The following PHACTR1 variants were observed in gnomAD, a reference collection of about 807,000 sequenced individuals.
The protein encoded by PHACTR1 is phosphatase and actin regulator 1.
Under a neutral mutation model 69.2 loss-of-function variants are expected in PHACTR1, and 16 were observed. That is an observed-to-expected ratio of 0.23 (90% confidence interval 0.16 to 0.35). The LOEUF (loss-of-function observed/expected upper bound fraction) is 0.35, where lower values mean the gene tolerates loss of function less well. Ranked by LOEUF, PHACTR1 falls within the 10% of genes least tolerant of loss-of-function variation. The pLI, the probability that PHACTR1 is intolerant of heterozygous loss-of-function variation, is 1.00. For missense variants in PHACTR1, 510 were observed against 734.7 expected (o/e 0.69, Z 3.54); for synonymous variants, 312 against 284.5 (o/e 1.10, Z -0.97).
At chr6:12,955,889 A>T (rs1175992242) in intron 4 of PHACTR1, among the ~76,000 whole-genome samples, 1 of 152,192 alleles carries the variant, frequency 6.6e-6, no homozygotes, top group Non-Finnish European at 1.5e-5. Context: ...CTGGGTCTCC[A>T]TAAGAACAGT....
chr6:12,848,687 G>T (rs1427494006), intron 4 of PHACTR1, among the ~76,000 whole-genome samples: 1 of 152,094 alleles, frequency 6.6e-6, no homozygotes, highest in Non-Finnish European at 1.5e-5. Context: ...TAAGACTTGG[G>T]AACTTGAGCA....
At chr6:12,717,766 T>C (rs1175540646) in intron 2 of PHACTR1, 23 bp downstream of exon 2, 1 of 152,198 alleles carries the variant, frequency 6.6e-6, no homozygotes, top group Non-Finnish European at 1.5e-5. Flanking sequence ...GCTATTGGGG[T>C]ACCTTTGGGT....
At chr6:13,194,599 G>A (rs149160836) in intron 7 of PHACTR1, among the ~76,000 whole-genome samples, 81 of 152,052 alleles carry the variant, frequency 5.3e-4, no homozygotes, top group African/African-American at 1.9e-3. Flanking sequence ...CATCTTCCCA[G>A]GGTACATTTA....
intron 4 of PHACTR1, among the ~76,000 whole-genome samples, chr6:12,986,855 C>G (rs899940668): frequency 3.3e-5 from 5 of 152,112 alleles, no homozygotes; most frequent in Non-Finnish European, 7.4e-5. Context: ...TCAGAGAGAA[C>G]AAGGTAAGCA....
At chr6:13,057,899 G>C (rs1807050179) in intron 5 of PHACTR1, among the ~76,000 whole-genome samples, 1 of 152,148 alleles carries the variant, frequency 6.6e-6, no homozygotes, top group African/African-American at 2.4e-5. Context: ...AGCTCCAGAT[G>C]GTGGTGAAAG....
intron 4 of PHACTR1, among the ~76,000 whole-genome samples, chr6:12,917,612 C>T (rs1271883021): frequency 6.6e-6 from 1 of 151,946 alleles, no homozygotes; most frequent in African/African-American, 2.4e-5. Context: ...TAAAAATTAG[C>T]CAGGTGGCAT....
intron 13 of PHACTR1, among the ~76,000 whole-genome samples, chr6:13,284,133 C>T (rs766760409): frequency 6.6e-6 from 1 of 152,174 alleles, no homozygotes; most frequent in Non-Finnish European, 1.5e-5. Flanking sequence ...GTCCACCAGA[C>T]AAGGTATCAG....
At chr6:13,251,648 C>G (rs947953526) in intron 10 of PHACTR1, among the ~76,000 whole-genome samples, 1 of 152,190 alleles carries the variant, frequency 6.6e-6, no homozygotes, top group Non-Finnish European at 1.5e-5. Context: ...AGGCTGAGCT[C>G]TGACAGTCCT....
At chr6:13,126,996 G>A (rs1819636772) in intron 5 of PHACTR1, among the ~76,000 whole-genome samples, 1 of 152,316 alleles carries the variant, frequency 6.6e-6, no homozygotes, top group African/African-American at 2.4e-5. Context: ...TACAATGGGA[G>A]CCTTCGTCAA....
chr6:13,173,889 T>G (rs1008199670), intron 6 of PHACTR1, among the ~76,000 whole-genome samples: 2 of 152,162 alleles, frequency 1.3e-5, no homozygotes, highest in African/African-American at 4.8e-5. Context: ...TTGTATTTTT[T>G]GTAGAGACGG....
Position 13,095,749 on chromosome 6 carries a change from C to CTTTT in PHACTR1, c.415+42248_415+42251dup, listed in dbSNP as rs140109520. On this transcript the variant is annotated intron_variant, in intron 5 of 14. Transcript: ENST00000332995. Reference sequence around the variant, plus strand: ...CTTTAAAGTGAATTATTGTGAAGGGCTTTTTTTTTTTTTTTTTTTTTTTTT... The same window carrying CTTTT: ...CTTTAAAGTGAATTATTGTGAAGGGCTTTTTTTTTTTTTTTTTTTTTTTTTTTTT... Among the ~76,000 whole-genome samples the CTTTT allele has an allele frequency of 2.7e-3, 212 of 77,278 alleles. 2 individuals are homozygous for CTTTT. Among genetic ancestry groups the CTTTT allele is most frequent in the Non-Finnish European group, 3.8e-3 (168 of 44,534 alleles). The allele number at this position is 77,278 out of a possible 152,430, so 50.7% of individuals were successfully genotyped here.
Position 12,954,084 on chromosome 6 carries a change from C to T in PHACTR1, c.251-99281C>T, listed in dbSNP as rs573390926. On this transcript the variant is annotated intron_variant, in intron 4 of 14. Transcript: ENST00000332995. The stretch of plus-strand genomic sequence containing the variant: ...CAGTTGAGCTGGGCTTGAAAGATTT[C>T]GCTATTTGGTAAGGGATAGGCATTT... 1.2e-3 allele frequency among the ~76,000 whole-genome samples: 176 copies of T among 152,190 alleles called. 2 individuals carry two copies. The highest frequency in any genetic ancestry group is 3.4e-3 in the Middle Eastern group (1 of 294).
Position 13,287,220 on chromosome 6 carries a change from A to T in PHACTR1, c.*142A>T. On this transcript the variant is annotated 3_prime_UTR_variant, in exon 15 of 15. Transcript: ENST00000332995. ...TTTAAAAAGAAGAAAAATCAAGGAAACACAATCAGGATTTTATGTGTGAAA... is the reference window on the plus strand; with the variant it reads ...TTTAAAAAGAAGAAAAATCAAGGAATCACAATCAGGATTTTATGTGTGAAA... 2 of 903,502 alleles carry T rather than the reference A, an allele frequency of 2.2e-6. No homozygotes were observed. Among genetic ancestry groups the T allele is most frequent in the Non-Finnish European group, 3.3e-6 (2 of 607,062 alleles). The allele number at this position is 903,502 out of a possible 1,614,324, so 56.0% of individuals were successfully genotyped here. A position where few individuals can be genotyped will look rare whatever the true frequency, so the allele number is the denominator to read the frequency against.
intron 8 of PHACTR1, among the ~76,000 whole-genome samples, chr6:13,220,228 A>C (rs1037569754): frequency 1.3e-5 from 2 of 152,326 alleles, no homozygotes; most frequent in African/African-American, 4.8e-5. Context: ...GAAATGGTGC[A>C]TCTATCTGTC....
At chr6:12,848,221 T>C (rs1404025970) in intron 4 of PHACTR1, among the ~76,000 whole-genome samples, 4 of 152,184 alleles carry the variant, frequency 2.6e-5, no homozygotes, top group Non-Finnish European at 5.9e-5. Context: ...CAAACCTGTA[T>C]GCTAACATTT....
chr6:13,098,324 C>T (rs1479031310), intron 5 of PHACTR1, among the ~76,000 whole-genome samples: 1 of 152,196 alleles, frequency 6.6e-6, no homozygotes, highest in Non-Finnish European at 1.5e-5. Flanking sequence ...TTCTGTTTCA[C>T]TGTGCCTTCC....
At chr6:13,282,426 T>G (rs1780489157) in intron 12 of PHACTR1, among the ~76,000 whole-genome samples, 1 of 152,178 alleles carries the variant, frequency 6.6e-6, no homozygotes, top group African/African-American at 2.4e-5. Flanking sequence ...CGAATCTTCC[T>G]TTTACTTGCT....
intron 4 of PHACTR1, among the ~76,000 whole-genome samples, chr6:12,862,730 C>CTGA (rs1223494870): frequency 6.6e-6 from 1 of 152,190 alleles, no homozygotes; most frequent in African/African-American, 2.4e-5. Flanking sequence ...CACATCTTCT[C>CTGA]TGATGTGTGT....
chr6:12,773,969 T>A (rs1297602292), intron 4 of PHACTR1, among the ~76,000 whole-genome samples: 1 of 152,218 alleles, frequency 6.6e-6, no homozygotes, highest in Non-Finnish European at 1.5e-5. Flanking sequence ...AACAGTTTCC[T>A]CTTAGGATTT....
Sources: gnomAD v4.1 joint callset for allele counts (sites outside exome capture counted in the v4.1 genomes callset) on GRCh38, gnomAD v4.1.1 for gene constraint, MANE v1.5 for transcripts, NCBI Gene and HGNC (gene_info 2026-07-23, HGNC 2026-07-21) for gene names.